AGK: variants seen among roughly 807,000 people sequenced by gnomAD.
AGK encodes acylglycerol kinase.
AGK carries 52 observed loss-of-function variants against 66.4 expected under a neutral mutation model. That is an observed-to-expected ratio of 0.78 (90% confidence interval 0.63 to 0.99). The LOEUF (loss-of-function observed/expected upper bound fraction) is 0.99, where lower values mean the gene tolerates loss of function less well. Among genes scored for constraint, AGK ranks in the 50% least tolerant of loss-of-function variants. The pLI is 0.00. For missense variants in AGK, 451 were observed against 506.6 expected (o/e 0.89, Z 1.05); for synonymous variants, 182 against 181.1 (o/e 1.00, Z -0.04).
Position 141,604,403 on chromosome 7 carries a change from T to TATATATAC in AGK, c.297+3124_297+3125insTATATACA, listed in dbSNP as rs1301537652. Among the ~76,000 whole-genome samples the TATATATAC allele has an allele frequency of 8.0e-3, 1,131 of 141,408 alleles. 15 individuals carry two copies. Among genetic ancestry groups the TATATATAC allele is most frequent in the African/African-American group, 0.028 (1,051 of 38,188 alleles). 92.8% of individuals were successfully genotyped at this position (141,408 alleles called of 152,430 possible). A position where few individuals can be genotyped will look rare whatever the true frequency, so the allele number is the denominator to read the frequency against. Reference sequence around the variant, plus strand: ...ATATATATATATATATATATATATATACACATACATACACACACACACATA... The same window carrying TATATATAC: ...ATATATATATATATATATATATATATATATATACACACATACATACACACACACACATA... On this transcript the variant is annotated intron_variant, in intron 5 of 15. Coordinates refer to ENST00000649286, the MANE Select transcript of AGK (RefSeq NM_018238.4).
At chr7:141,640,161 T>G (rs1421700331) in intron 11 of AGK, among the ~76,000 whole-genome samples, 6 of 152,172 alleles carry the variant, frequency 3.9e-5, no homozygotes, top group African/African-American at 1.4e-4. Flanking sequence ...AAACGTCATC[T>G]TTATAAATGT....
intron 2 of AGK, among the ~76,000 whole-genome samples, chr7:141,571,744 C>G (rs926761526): frequency 6.6e-6 from 1 of 152,136 alleles, no homozygotes. Context: ...AGCAAAGCAA[C>G]CCTGGATAGT....
intron 6 of AGK, among the ~76,000 whole-genome samples, chr7:141,613,420 A>G (rs1183074783): frequency 6.6e-6 from 1 of 152,126 alleles, no homozygotes; most frequent in Non-Finnish European, 1.5e-5. Context: ...AGAGTTTGAA[A>G]CCAGCGTGAC....
chr7:141,628,169 C>T (rs187021453), intron 9 of AGK, among the ~76,000 whole-genome samples: 5 of 152,282 alleles, frequency 3.3e-5, no homozygotes, highest in South Asian at 2.1e-4. Flanking sequence ...CGTGAGCCAC[C>T]GCACCTGGCC....
rs370588816 is a variant in AGK at position 141,652,966 on chromosome 7, C to T, written c.*42C>T. The T allele has an allele frequency of 3.6e-5, 58 of 1,609,878 alleles. No homozygotes were observed. The highest frequency in any genetic ancestry group is 4.0e-5 in the Non-Finnish European group (47 of 1,178,354). On this transcript the variant is annotated 3_prime_UTR_variant, in exon 16 of 16. Transcript: ENST00000649286. ...ACTCTGAGACCACACTTTAGGCCACCGGTGGGACCAAAAGGGAACAGGTGC... is the reference window on the plus strand; with the variant it reads ...ACTCTGAGACCACACTTTAGGCCACTGGTGGGACCAAAAGGGAACAGGTGC...
chr7:141,572,612 GTTA>G (rs1249504178), intron 2 of AGK, among the ~76,000 whole-genome samples: 1 of 152,160 alleles, frequency 6.6e-6, no homozygotes, highest in South Asian at 2.1e-4. Flanking sequence ...ATAAATGCTA[GTTA>G]TTATTATTAC....
chr7:141,570,685 TTACCCATAAATATTGCAG>T (rs1362653079), intron 2 of AGK, among the ~76,000 whole-genome samples: 2 of 151,884 alleles, frequency 1.3e-5, no homozygotes, highest in African/African-American at 4.8e-5. Context: ...TTATATCATT[TTACCCATAAATATTGCAG>T]TACCTTACTC....
intron 11 of AGK, among the ~76,000 whole-genome samples, chr7:141,639,278 T>C (rs893715376): frequency 1.3e-5 from 2 of 152,164 alleles, no homozygotes; most frequent in Non-Finnish European, 2.9e-5. Flanking sequence ...AAGGACACGC[T>C]ACTCCTTCAA....
At chr7:141,583,020 C>G (rs566171955) in intron 2 of AGK, among the ~76,000 whole-genome samples, 1 of 151,906 alleles carries the variant, frequency 6.6e-6, no homozygotes, top group African/African-American at 2.4e-5. Flanking sequence ...GGAACAGAGA[C>G]TAGGAAGGGA....
chr7:141,631,781 C>G (rs1362700590), intron 9 of AGK, among the ~76,000 whole-genome samples: 2 of 152,162 alleles, frequency 1.3e-5, no homozygotes, highest in Non-Finnish European at 2.9e-5. Context: ...CAACAGCTTC[C>G]CATCTCCGAA....
At chr7:141,556,225 G>A (rs925603603) in intron 2 of AGK, among the ~76,000 whole-genome samples, 1 of 152,118 alleles carries the variant, frequency 6.6e-6, no homozygotes, top group African/African-American at 2.4e-5. Context: ...ATGTATTTAT[G>A]TCAGTGAGCA....
chr7:141,626,276 C>T (rs773419636), intron 9 of AGK, among the ~76,000 whole-genome samples: 2 of 152,244 alleles, frequency 1.3e-5, no homozygotes, highest in South Asian at 4.2e-4. Flanking sequence ...AATGAAGAAT[C>T]CATGAGTTTC....
chr7:141,595,003 A>G (rs548129642), intron 3 of AGK, among the ~76,000 whole-genome samples: 5 of 152,262 alleles, frequency 3.3e-5, no homozygotes, highest in Admixed American at 1.3e-4. Context: ...AGTTCCTTCC[A>G]TCTCACAAAT....
intron 4 of AGK, among the ~76,000 whole-genome samples, chr7:141,599,527 A>G (rs114051894): frequency 0.011 from 1,614 of 152,296 alleles, 32 homozygotes; most frequent in African/African-American, 0.037. Flanking sequence ...ATGTGAATAA[A>G]GACCCAAATA....
intron 8 of AGK, 152 bp from the exon 9 acceptor site, chr7:141,621,580 G>A (rs1796825757): frequency 1.6e-6 from 1 of 618,560 alleles, no homozygotes; most frequent in Admixed American, 3.1e-5. Flanking sequence ...GAGGGAGGGA[G>A]AGAGGGAAGG....
chr7:141,636,129 T>A (rs1255990766), intron 10 of AGK, among the ~76,000 whole-genome samples: 1 of 152,220 alleles, frequency 6.6e-6, no homozygotes. Flanking sequence ...TTCTCGTTAT[T>A]CCCAGATTTA....
At chr7:141,568,821 C>T (rs1795526903) in intron 2 of AGK, among the ~76,000 whole-genome samples, 1 of 152,030 alleles carries the variant, frequency 6.6e-6, no homozygotes, top group Non-Finnish European at 1.5e-5. Flanking sequence ...AGTGATCCAC[C>T]CTCCTCAGCC....
At chr7:141,635,158 A>G (rs1797143346) in intron 10 of AGK, among the ~76,000 whole-genome samples, 1 of 152,200 alleles carries the variant, frequency 6.6e-6, no homozygotes, top group Non-Finnish European at 1.5e-5. Context: ...CGCTTTTAGG[A>G]CTATTTTATA....
chr7:141,601,076 C>A, intron 4 of AGK, 129 bp from the exon 5 acceptor site: 1 of 610,686 alleles, frequency 1.6e-6, no homozygotes, highest in Non-Finnish European at 2.8e-6. Flanking sequence ...ACTTTCTGTG[C>A]TTGAACAAAT....
Sources: allele counts gnomAD v4.1 joint callset (sites outside exome capture counted in the v4.1 genomes callset), GRCh38; gene constraint gnomAD v4.1.1; transcripts MANE v1.5; gene names NCBI Gene and HGNC (gene_info 2026-07-23, HGNC 2026-07-21).